U2SURP: variants seen among roughly 807,000 people sequenced by gnomAD.
U2SURP encodes U2 snRNP-associated SURP motif-containing protein.
A neutral mutation model predicts 144.9 loss-of-function variants in U2SURP; 9 were observed. That is an observed-to-expected ratio of 0.06 (90% CI 0.04 to 0.11). The LOEUF is 0.11. Ranked by LOEUF, U2SURP falls within the 10% of genes least tolerant of loss-of-function variation. The pLI is 1.00. For synonymous variants in U2SURP, 408 were observed against 396.8 expected (o/e 1.03, Z -0.33); for missense variants, 724 against 1,226.7 (o/e 0.59, Z 6.12).
At chr3:143,027,026 A>G in intron 13 of U2SURP, 123 bp from the exon 14 acceptor site, 1 of 730,638 alleles carries the variant, frequency 1.4e-6, no homozygotes, top group Admixed American at 2.6e-5. Context: ...CTTTTTTGGT[A>G]TTAAATTCGG....
At chr3:143,032,665 A>G in intron 16 of U2SURP, 119 bp from the exon 17 acceptor site, 1 of 853,480 alleles carries the variant, frequency 1.2e-6, no homozygotes, top group Non-Finnish European at 1.8e-6. Context: ...TGAATGTATT[A>G]CAGTCTTCAG....
At chr3:143,009,710 A>G (rs938326495) in intron 1 of U2SURP, among the ~76,000 whole-genome samples, 2 of 152,208 alleles carry the variant, frequency 1.3e-5, no homozygotes, top group Non-Finnish European at 2.9e-5. Context: ...AGTGGAGTTC[A>G]GAGGAGTAAA....
chr3:143,028,267 A>G, intron 14 of U2SURP, 73 bp from the exon 15 acceptor site: 1 of 1,441,848 alleles, frequency 6.9e-7, no homozygotes, highest in Non-Finnish European at 9.5e-7. Flanking sequence ...AATATTTCTC[A>G]TTTATTTATA....
At chr3:143,040,431 A>T (rs1222415934) in intron 23 of U2SURP, among the ~76,000 whole-genome samples, 2 of 151,910 alleles carry the variant, frequency 1.3e-5, no homozygotes, top group Non-Finnish European at 3.0e-5. Flanking sequence ...GATCCTTGAA[A>T]TGTTCTCATG....
intron 13 of U2SURP, among the ~76,000 whole-genome samples, chr3:143,025,611 C>A (rs565655861): frequency 1.3e-5 from 2 of 152,182 alleles, no homozygotes; most frequent in African/African-American, 2.4e-5. Context: ...CATATGAATG[C>A]TGAAGAACTG....
At chr3:143,047,882 AC>A (rs139906758) in intron 24 of U2SURP, among the ~76,000 whole-genome samples, 3 of 140,356 alleles carry the variant, frequency 2.1e-5, no homozygotes, top group Non-Finnish European at 4.6e-5. Context: ...CGGGGGGCTG[AC>A]CCCCCCCAAC....
chr3:143,039,547 C>T (rs2108301674), intron 23 of U2SURP, among the ~76,000 whole-genome samples: 1 of 150,228 alleles, frequency 6.7e-6, no homozygotes, highest in Non-Finnish European at 1.5e-5. Context: ...TCTGTATTGG[C>T]AGTTTTTAGG....
rs761176955 is a variant in U2SURP, at chr3:143,041,101, T to A, written c.2385-2016T>A. Among the ~76,000 whole-genome samples the A allele has an allele frequency of 6.5e-4, 99 of 152,012 alleles. 1 individual carries two copies. The highest frequency in any genetic ancestry group is 1.2e-3 in the Non-Finnish European group (79 of 67,782). On this transcript the variant is annotated intron_variant, in intron 23 of 27. Transcript: ENST00000473835. ...TAGAAAAAATTTTACAGGCTAGAAT[T>A]GGTTAAGTAATCAATATCTGCTGTA...
intron 24 of U2SURP, among the ~76,000 whole-genome samples, chr3:143,049,265 C>CAA (rs200930787): frequency 6.5e-4 from 53 of 81,494 alleles, no homozygotes; most frequent in Admixed American, 1.3e-3. Flanking sequence ...GACTCCATCT[C>CAA]AAAAAAAAAA....
At chr3:143,023,382 G>T (rs1169774682) in intron 12 of U2SURP, 1 of 215,906 alleles carries the variant, frequency 4.6e-6, no homozygotes, top group African/African-American at 2.3e-5. Flanking sequence ...CTTTGTATTT[G>T]GTTAAGTGAC....
chr3:143,029,645 T>TGA (rs1435128336), intron 16 of U2SURP, among the ~76,000 whole-genome samples: 1 of 152,044 alleles, frequency 6.6e-6, no homozygotes, highest in Non-Finnish European at 1.5e-5. Flanking sequence ...AGTATTCAGG[T>TGA]GAAAGGAAGA....
intron 17 of U2SURP, 44 bp from the exon 18 acceptor site, chr3:143,033,224 CATT>C (rs1198573548): frequency 1.7e-6 from 2 of 1,161,262 alleles, no homozygotes; most frequent in Non-Finnish European, 2.5e-6. Flanking sequence ...TATAGCTAAA[CATT>C]AGCCTTATAT....
chr3:143,034,402 C>CA (rs68041647), intron 18 of U2SURP: 130 of 143,472 alleles, frequency 9.1e-4, no homozygotes, highest in Non-Finnish European at 1.3e-3. Context: ...AACTCCATCT[C>CA]AAAAAAAAAA....
At position 143,027,621 on chromosome 3, in the gene U2SURP, C is replaced by A. The variant is rs549623503; in HGVS notation, c.1379+368C>A. 5.3e-5 allele frequency among the ~76,000 whole-genome samples: 8 copies of A among 152,162 alleles called. No individual in the cohort carries two copies. The South Asian group carries it at 1.7e-3, about 32-fold the overall frequency. ...TGTATTATAGCATGTATCGGGATTT[C>A]CTTTTTTAAGGCCAAATAATATTCC... On this transcript the variant is annotated intron_variant, in intron 14 of 27. Transcript: ENST00000473835.
At chr3:143,056,259 T>C (rs552776113) in intron 27 of U2SURP, 53 bp from the exon 28 acceptor site, 2 of 1,535,270 alleles carry the variant, frequency 1.3e-6, no homozygotes, top group Admixed American at 4.2e-5. Context: ...GGATAAACAG[T>C]TTTGATCACA....
intron 8 of U2SURP, 42 bp downstream of exon 8, chr3:143,020,735 AC>A (rs1401678118): frequency 6.8e-7 from 1 of 1,462,030 alleles, no homozygotes; most frequent in South Asian, 1.2e-5. Flanking sequence ...GTGATTAATT[AC>A]AGTAGTTCCC....
At chr3:143,038,005 C>A in intron 21 of U2SURP, 103 bp from the exon 22 acceptor site, 1 of 718,720 alleles carries the variant, frequency 1.4e-6, no homozygotes. Flanking sequence ...CATCTGTGTC[C>A]TTATTTTACT....
chr3:143,037,209 A>G lies in U2SURP; in HGVS notation c.2095A>G (p.Ile699Val). ...DVPDDLDGAP[I>V]EEELDGAPLE... ...TCCAGATGACCTTGATGGTGCCCCC[A>G]TCGAGGAAGAGCTTGATGGTGCACC... The change falls in exon 21 of 28, where the codon ATC (isoleucine) becomes GTC (valine). Residue 699 changes from isoleucine to valine, a missense_variant. Transcript: ENST00000473835. 3.1e-6 allele frequency: 5 copies of G among 1,612,286 alleles called. No homozygotes were observed. Among genetic ancestry groups the G allele is most frequent in the Non-Finnish European group, 4.2e-6 (5 of 1,179,068 alleles).
intron 27 of U2SURP, among the ~76,000 whole-genome samples, chr3:143,056,087 T>C (rs1194436805): frequency 6.6e-6 from 1 of 152,146 alleles, no homozygotes; most frequent in Non-Finnish European, 1.5e-5. Flanking sequence ...AAATCTGTCT[T>C]TATAAACAAG....
Sources: gnomAD v4.1 joint callset for allele counts (sites outside exome capture counted in the v4.1 genomes callset) on GRCh38, gnomAD v4.1.1 for gene constraint, MANE v1.5 for transcripts, NCBI Gene and HGNC (gene_info 2026-07-23, HGNC 2026-07-21) for gene names.